Variants in TPRX1 observed in about 807,000 individuals in gnomAD.
TPRX1 encodes tetrapeptide repeat homeobox 1.
Under a neutral mutation model 8.1 loss-of-function variants are expected in TPRX1, and 2 were observed. The ratio of observed to expected loss-of-function variants is 0.25; its 90% confidence interval spans 0.10 to 0.78. TPRX1 has a LOEUF of 0.78. Among genes scored for constraint, TPRX1 ranks in the 30% least tolerant of loss-of-function variants. TPRX1 has a pLI of 0.70. For synonymous variants in TPRX1, 257 were observed against 254.1 expected (o/e 1.01, Z -0.11); for missense variants, 517 against 586.9 (o/e 0.88, Z 1.23).
intron 2 of TPRX1, among the ~76,000 whole-genome samples, chr19:47,809,330 C>T (rs951373790): frequency 2.0e-5 from 3 of 151,756 alleles, no homozygotes; most frequent in Admixed American, 1.3e-4. Context: ...ACCCAGGCTG[C>T]GTTGCACTGT....
At chr19:47,818,396 A>ATCCATCCATCCATCCATCCCTCCG (rs1967870494) in intron 2 of TPRX1, 1 of 436,008 alleles carries the variant, frequency 2.3e-6, no homozygotes, top group African/African-American at 2.1e-5. Context: ...CCCTCCATCC[A>ATCCATCCATCCATCCATCCCTCCG]TCCATCCATC....
intron 2 of TPRX1, among the ~76,000 whole-genome samples, chr19:47,818,281 C>CCCATCCAT (rs1396712096): frequency 2.8e-5 from 3 of 106,490 alleles, no homozygotes; most frequent in African/African-American, 1.5e-4. Context: ...CCATCCATCA[C>CCCATCCAT]CCATCCATCC....
chr19:47,802,850 G>A, exon 4 of TPRX1: 1 of 1,601,412 alleles, frequency 6.2e-7, no homozygotes, highest in Non-Finnish European at 8.5e-7. Flanking sequence ...CCGCTGAGGT[G>A]CGGAGGCAGA....
intron 2 of TPRX1, among the ~76,000 whole-genome samples, chr19:47,807,335 C>T (rs10411118): frequency 0.067 from 10,130 of 152,136 alleles, 446 homozygotes; most frequent in Middle Eastern, 0.11. Context: ...ATATTACAGG[C>T]GTGAACCAGC....
rs770630709 is a variant in TPRX1 at position 47,802,983 on chromosome 19, G to C, written c.322-3C>G. 38 of 1,540,828 alleles carry C rather than the reference G, an allele frequency of 2.5e-5. No individual in the cohort carries two copies. Among genetic ancestry groups the C allele is most frequent in the African/African-American group, 5.4e-5 (4 of 73,782 alleles). On this transcript the variant is annotated splice_polypyrimidine_tract_variant and splice_region_variant and intron_variant, in intron 3 of 3. Coordinates refer to ENST00000535759, the Ensembl canonical transcript of TPRX1. Reference sequence around the variant, plus strand: ...GCGCGGCGATTCTTGAACCACACCTGGGGGGCAGAGGGGACAGGGAGAAGG... The same window carrying C: ...GCGCGGCGATTCTTGAACCACACCTCGGGGGCAGAGGGGACAGGGAGAAGG...
intron 2 of TPRX1, among the ~76,000 whole-genome samples, chr19:47,811,843 C>T (rs1304381790): frequency 6.6e-6 from 1 of 151,224 alleles, no homozygotes; most frequent in Non-Finnish European, 1.5e-5. Flanking sequence ...GGAGAACTGC[C>T]TGTATTTATT....
At chr19:47,815,991 G>A (rs973018618) in intron 2 of TPRX1, among the ~76,000 whole-genome samples, 9 of 152,040 alleles carry the variant, frequency 5.9e-5, no homozygotes, top group African/African-American at 1.4e-4. Flanking sequence ...CATGTGTAGC[G>A]GGGTAGTTGA....
intron 2 of TPRX1, among the ~76,000 whole-genome samples, chr19:47,810,951 G>A (rs752813666): frequency 3.3e-5 from 5 of 150,846 alleles, no homozygotes; most frequent in African/African-American, 4.9e-5. Context: ...GGTTCCTCTC[G>A]GTGTCTGGAC....
chr19:47,807,198 G>A (rs938378998), intron 2 of TPRX1, among the ~76,000 whole-genome samples: 5 of 151,776 alleles, frequency 3.3e-5, no homozygotes, highest in Non-Finnish European at 5.9e-5. Context: ...GAAACACCGC[G>A]CCCGGCCAAA....
chr19:47,809,164 G>T (rs1344452765), intron 2 of TPRX1, among the ~76,000 whole-genome samples: 1 of 152,016 alleles, frequency 6.6e-6, no homozygotes, highest in Non-Finnish European at 1.5e-5. Context: ...TTGAGTTTGT[G>T]TTTTCCATAT....
chr19:47,810,344 ATTTTT>A (rs762098389), intron 2 of TPRX1, among the ~76,000 whole-genome samples: 2 of 93,346 alleles, frequency 2.1e-5, no homozygotes, highest in Non-Finnish European at 4.4e-5. Flanking sequence ...TTATCCATCA[ATTTTT>A]TTTTTTTTTT....
chr19:47,815,402 C>T (rs1224084380), intron 2 of TPRX1, among the ~76,000 whole-genome samples: 23 of 148,820 alleles, frequency 1.5e-4, no homozygotes, highest in Admixed American at 1.2e-3. Context: ...ATCCACCCAC[C>T]TTGGCCTCCC....
In TPRX1 at chr19:47,818,336, TC is replaced by T. The variant is rs1568618501; in HGVS notation, c.151+131del. 6.3e-4 allele frequency: 192 copies of T among 305,866 alleles called. 8 individuals are homozygous for T. Among genetic ancestry groups the T allele is most frequent in the African/African-American group, 2.7e-3 (58 of 21,098 alleles). 18.9% of individuals were successfully genotyped at this position (305,866 alleles called of 1,614,324 possible). ...ACCCATCCATCCATCCATCCATCCA[TC>T]CATCATCCATCCATCCATCCATCCA... On this transcript the variant is annotated intron_variant, in intron 2 of 3. Coordinates refer to ENST00000535759, the Ensembl canonical transcript of TPRX1.
chr19:47,802,752 C>T (rs776205976), exon 4 of TPRX1: 29 of 1,605,972 alleles, frequency 1.8e-5, no homozygotes, highest in Non-Finnish European at 2.4e-5. Flanking sequence ...GCTGGGATGC[C>T]CTTCTGGGCT....
At chr19:47,804,466 C>CTCAG (rs1344328895) in intron 2 of TPRX1, among the ~76,000 whole-genome samples, 49 bp downstream of exon 1, 1 of 152,230 alleles carries the variant, frequency 6.6e-6, no homozygotes, top group Non-Finnish European at 1.5e-5. Flanking sequence ...ACTCTGCAGC[C>CTCAG]TCAGCCACAG....
intron 2 of TPRX1, among the ~76,000 whole-genome samples, chr19:47,806,501 C>G (rs1042356726): frequency 6.6e-6 from 1 of 152,038 alleles, no homozygotes; most frequent in Non-Finnish European, 1.5e-5. Flanking sequence ...GCCTGGGTGA[C>G]AGAGGGAGAC....
At chr19:47,812,032 A>C (rs534291453) in intron 2 of TPRX1, among the ~76,000 whole-genome samples, 16 of 150,556 alleles carry the variant, frequency 1.1e-4, no homozygotes, top group South Asian at 8.4e-4. Context: ...ACGCCCGGCT[A>C]ATTTTGTATT....
At chr19:47,805,619 G>T (rs539094480) in intron 2 of TPRX1, among the ~76,000 whole-genome samples, 7 of 152,216 alleles carry the variant, frequency 4.6e-5, no homozygotes, top group Admixed American at 2.0e-4. Flanking sequence ...TTGTTACCAC[G>T]GGCCTCGCTC....
chr19:47,816,411 C>T (rs1967841016), intron 2 of TPRX1, among the ~76,000 whole-genome samples: 1 of 150,384 alleles, frequency 6.6e-6, no homozygotes, highest in African/African-American at 2.5e-5. Context: ...GCCTCCTTCC[C>T]CTCCTAATAT....
Sources: allele counts gnomAD v4.1 joint callset (sites outside exome capture counted in the v4.1 genomes callset), GRCh38; gene constraint gnomAD v4.1.1; transcripts MANE v1.5; gene names NCBI Gene and HGNC (gene_info 2026-07-23, HGNC 2026-07-21).